Variants in PIR observed in about 807,000 individuals in gnomAD.
The protein encoded by PIR is pirin (iron-binding nuclear protein).
In PIR, 22 loss-of-function variants were observed where a neutral mutation model predicts 24.2. The ratio of observed to expected loss-of-function variants is 0.91; its 90% confidence interval spans 0.65 to 1.30. The LOEUF (loss-of-function observed/expected upper bound fraction) is 1.30. Among genes scored for constraint, PIR ranks in the 50% most tolerant of loss-of-function variants. The probability of loss-of-function intolerance (pLI) is 0.00; values close to 1 mark genes in which losing one functional copy is unlikely to be tolerated. For synonymous variants in PIR, 80 were observed against 79.6 expected (o/e 1.00, Z -0.03); for missense variants, 220 against 220.3 (o/e 1.00, Z 0.01).
intron 9 of PIR, among the ~76,000 whole-genome samples, chrX:15,386,576 G>C (rs768243842): frequency 4.5e-5 from 5 of 111,980 alleles, no homozygotes; most frequent in Non-Finnish European, 9.4e-5. Flanking sequence ...AATATGGAAG[G>C]ATAAAAGTGT....
intron 3 of PIR, among the ~76,000 whole-genome samples, chrX:15,465,593 C>CAGA (rs1921529996): frequency 8.9e-6 from 1 of 112,085 alleles, no homozygotes; most frequent in African/African-American, 3.2e-5. Context: ...CAGGTGTTTT[C>CAGA]TTAAAGCACT....
chrX:15,404,491 A>G (rs1027455121), intron 7 of PIR, among the ~76,000 whole-genome samples: 22 of 112,040 alleles, frequency 2.0e-4, no homozygotes, highest in African/African-American at 6.8e-4. Flanking sequence ...TACACCAAGT[A>G]TATATATATT....
intron 6 of PIR, among the ~76,000 whole-genome samples, chrX:15,416,064 C>T (rs971861419): frequency 9.0e-6 from 1 of 110,654 alleles, no homozygotes; most frequent in Non-Finnish European, 1.9e-5. Context: ...TCTTACAAAT[C>T]AATATGAAAA....
At chrX:15,430,771 C>A (rs1925480663) in intron 5 of PIR, among the ~76,000 whole-genome samples, 1 of 111,917 alleles carries the variant, frequency 8.9e-6, no homozygotes, top group South Asian at 3.7e-4. Context: ...GATGAAATCA[C>A]TTCCACATGG....
chrX:15,426,085 C>T lies in PIR; in HGVS notation c.481-95G>A, dbSNP rs1000195695. On this transcript the variant is annotated intron_variant, in intron 5 of 9. Transcript: ENST00000380420. The stretch of plus-strand genomic sequence containing the variant: ...TTCTGTAATAGGCCTGGACCTGGAT[C>T]CATTATATATATAGTTCCTCCTAGG... 23 of 540,040 alleles carry T rather than the reference C, an allele frequency of 4.3e-5. No individual in the cohort carries two copies. The Middle Eastern group carries it at 9.9e-4, about 23-fold the overall frequency. 44.5% of individuals were successfully genotyped at this position (540,040 alleles called of 1,213,427 possible). A position where few individuals can be genotyped will look rare whatever the true frequency, so the allele number is the denominator to read the frequency against.
chrX:15,398,665 GGAGGGT>G (rs1453366460), intron 7 of PIR, among the ~76,000 whole-genome samples: 548 of 36,370 alleles, frequency 0.015, 7 homozygotes, highest in Non-Finnish European at 0.027. Flanking sequence ...CCTTGAGGAG[GGAGGGT>G]GTGTGTGTGT....
intron 4 of PIR, among the ~76,000 whole-genome samples, chrX:15,457,925 A>C: frequency 8.9e-6 from 1 of 112,243 alleles, no homozygotes; most frequent in East Asian, 2.8e-4. Context: ...GCAATGACAG[A>C]GTCTGGTAGT....
intron 2 of PIR, among the ~76,000 whole-genome samples, chrX:15,481,307 T>C (rs1344175477): frequency 8.9e-6 from 1 of 112,553 alleles, no homozygotes. Context: ...TATCTGGTTG[T>C]CATCAACATA....
intron 6 of PIR, among the ~76,000 whole-genome samples, chrX:15,416,634 G>T (rs1924928064): frequency 8.9e-6 from 1 of 111,773 alleles, no homozygotes; most frequent in African/African-American, 3.3e-5. Context: ...TATGGGCTGT[G>T]GCTAGAGTCT....
intron 9 of PIR, among the ~76,000 whole-genome samples, chrX:15,389,303 T>G (rs1923877163): frequency 8.9e-6 from 1 of 111,788 alleles, no homozygotes; most frequent in Non-Finnish European, 1.9e-5. Context: ...ACAAAATGGT[T>G]GTCAAATGCT....
At chrX:15,483,174 T>TATATACATATATATATATATAG (rs955424390) in intron 2 of PIR, among the ~76,000 whole-genome samples, 1 of 98,751 alleles carries the variant, frequency 1.0e-5, no homozygotes, top group African/African-American at 3.8e-5. Flanking sequence ...CATATATATA[T>TATATACATATATATATATATAG]AAATTCAACA....
intron 6 of PIR, among the ~76,000 whole-genome samples, chrX:15,422,368 G>A (rs1364089944): frequency 9.2e-6 from 1 of 108,155 alleles, no homozygotes; most frequent in Admixed American, 9.9e-5. Context: ...AATAAGAAAG[G>A]AAGAAGTCAA....
At chrX:15,482,256 G>C (rs888304456) in intron 2 of PIR, among the ~76,000 whole-genome samples, 2 of 110,980 alleles carry the variant, frequency 1.8e-5, no homozygotes, top group African/African-American at 6.6e-5. Context: ...TCTTTTTCTT[G>C]TATTTTTACA....
At chrX:15,416,244 T>C (rs1273264484) in intron 6 of PIR, among the ~76,000 whole-genome samples, 1 of 112,024 alleles carries the variant, frequency 8.9e-6, no homozygotes, top group Non-Finnish European at 1.9e-5. Context: ...TCTAATGTAC[T>C]GCTGGGAAGT....
chrX:15,465,422 G>A (rs371964930), intron 3 of PIR, among the ~76,000 whole-genome samples: 50 of 111,849 alleles, frequency 4.5e-4, no homozygotes, highest in African/African-American at 1.5e-3. Flanking sequence ...AAAAACTGAA[G>A]CAGTACTTCT....
intron 6 of PIR, among the ~76,000 whole-genome samples, chrX:15,413,537 T>C (rs980957643): frequency 3.6e-5 from 4 of 111,820 alleles, no homozygotes; most frequent in Non-Finnish European, 7.5e-5. Context: ...TAAGATCTAC[T>C]AGCTTGCCAA....
intron 3 of PIR, among the ~76,000 whole-genome samples, chrX:15,465,406 T>G (rs1422079503): frequency 8.9e-6 from 1 of 111,895 alleles, no homozygotes; most frequent in Non-Finnish European, 1.9e-5. Flanking sequence ...TGTAGAGGAT[T>G]TTTTAAAAAA....
intron 5 of PIR, among the ~76,000 whole-genome samples, chrX:15,453,842 T>C (rs746261436): frequency 6.2e-5 from 7 of 112,088 alleles, no homozygotes; most frequent in Non-Finnish European, 1.3e-4. Context: ...ATTCGTGATA[T>C]CACTGGCTTT....
At chrX:15,492,394 C>A (rs1279935896) in intron 1 of PIR, among the ~76,000 whole-genome samples, 1 of 111,836 alleles carries the variant, frequency 8.9e-6, no homozygotes, top group East Asian at 2.8e-4. Flanking sequence ...ATTCGAAAGT[C>A]TTTTCCTCTT....
Sources: gnomAD v4.1 joint callset for allele counts (sites outside exome capture counted in the v4.1 genomes callset) on GRCh38, gnomAD v4.1.1 for gene constraint, MANE v1.5 for transcripts, NCBI Gene and HGNC (gene_info 2026-07-23, HGNC 2026-07-21) for gene names.